The following LTBP1 variants were observed in gnomAD, a reference collection of about 807,000 sequenced individuals.
LTBP1 encodes latent-transforming growth factor beta-binding protein 1.
In LTBP1, 129 loss-of-function variants were observed where a neutral mutation model predicts 207.6. That is an observed-to-expected ratio of 0.62 (90% CI 0.54 to 0.72). The LOEUF is 0.72. Ranked by LOEUF, LTBP1 falls within the 30% of genes least tolerant of loss-of-function variation. LTBP1 has a pLI of 0.00. For missense variants in LTBP1, 2,281 were observed against 2,217.2 expected, an observed-to-expected ratio of 1.03 and a Z score of -0.58; for synonymous variants, 963 against 833.7, an observed-to-expected ratio of 1.16 and a Z score of -2.67.
intron 5 of LTBP1, among the ~76,000 whole-genome samples, chr2:33,182,073 TAG>T (rs1455208995): frequency 6.6e-6 from 1 of 152,186 alleles, no homozygotes. Flanking sequence ...AACTGGAGAA[TAG>T]ATATTTTATT....
At chr2:33,149,042 G>A (rs1045514995) in intron 5 of LTBP1, among the ~76,000 whole-genome samples, 2 of 151,846 alleles carry the variant, frequency 1.3e-5, no homozygotes, top group African/African-American at 2.4e-5. Context: ...GTGAAACCCC[G>A]TCTCTACTAA....
chr2:33,063,439 A>G (rs1345864871), intron 3 of LTBP1, among the ~76,000 whole-genome samples: 1 of 152,184 alleles, frequency 6.6e-6, no homozygotes, highest in Non-Finnish European at 1.5e-5. Context: ...TTTATGGTAA[A>G]CATTAATGGT....
chr2:33,256,028 C>G (rs2147809264), intron 11 of LTBP1, among the ~76,000 whole-genome samples: 1 of 152,096 alleles, frequency 6.6e-6, no homozygotes, highest in South Asian at 2.1e-4. Context: ...CTTCACTATT[C>G]ATGGGGATTA....
Position 33,134,765 on chromosome 2 carries a change from T to C in LTBP1, c.1034-28T>C. The C allele has an allele frequency of 6.2e-7, 1 of 1,614,172 alleles. No homozygotes were observed. Among genetic ancestry groups the C allele is most frequent in the Non-Finnish European group, 8.5e-7 (1 of 1,180,022 alleles). Reference sequence around the variant, plus strand: ...GGATACTAAGCTGATGTGTTTGTTGTTCTTTTTCTCCCTGCCTCCGCTCCT... The same window carrying C: ...GGATACTAAGCTGATGTGTTTGTTGCTCTTTTTCTCCCTGCCTCCGCTCCT... On this transcript the variant is annotated intron_variant, in intron 4 of 33. Coordinates refer to ENST00000404816, the MANE Select transcript of LTBP1 (RefSeq NM_206943.4). The surrounding 1 kb of genome is among the most constrained non-coding windows in gnomAD (Gnocchi z 4.4).
chr2:33,331,108 T>C (rs2094488998), intron 24 of LTBP1, among the ~76,000 whole-genome samples: 1 of 151,838 alleles, frequency 6.6e-6, no homozygotes, highest in African/African-American at 2.4e-5. Flanking sequence ...TTTTAAAATT[T>C]CAGTAATTTG....
At chr2:33,190,677 A>G (rs1239722849) in intron 7 of LTBP1, among the ~76,000 whole-genome samples, 5 of 152,212 alleles carry the variant, frequency 3.3e-5, no homozygotes, top group Non-Finnish European at 5.9e-5. Flanking sequence ...TGCAAATATT[A>G]TAGAACGATG....
At chr2:33,001,558 A>G (rs1470711503) in intron 2 of LTBP1, among the ~76,000 whole-genome samples, 1 of 135,006 alleles carries the variant, frequency 7.4e-6, no homozygotes, top group Admixed American at 7.6e-5. Flanking sequence ...GTTAAAATAT[A>G]TGAGGAGAAG....
intron 5 of LTBP1, among the ~76,000 whole-genome samples, chr2:33,169,686 A>G (rs962933744): frequency 1.3e-5 from 2 of 152,246 alleles, no homozygotes; most frequent in African/African-American, 4.8e-5. Context: ...CAGACAAACT[A>G]AAATAAACAG....
chr2:33,092,045 T>C (rs2079125063), intron 3 of LTBP1, among the ~76,000 whole-genome samples: 1 of 152,168 alleles, frequency 6.6e-6, no homozygotes, highest in African/African-American at 2.4e-5. Flanking sequence ...ATCTACAAAT[T>C]GTGAGGGAAA....
chr2:33,108,556 G>T (rs1272553268), intron 3 of LTBP1, among the ~76,000 whole-genome samples: 1 of 151,978 alleles, frequency 6.6e-6, no homozygotes, highest in Non-Finnish European at 1.5e-5. Context: ...AATTCAGAGG[G>T]GGGACAAGAG....
chr2:33,091,533 T>C (rs936338524), intron 3 of LTBP1, among the ~76,000 whole-genome samples: 6 of 152,142 alleles, frequency 3.9e-5, no homozygotes, highest in African/African-American at 1.4e-4. Context: ...TGTTCTCTCT[T>C]TTATCTTTGT....
chr2:33,123,016 G>A (rs926503507), intron 4 of LTBP1, among the ~76,000 whole-genome samples: 27 of 152,284 alleles, frequency 1.8e-4, no homozygotes, highest in African/African-American at 6.5e-4. Flanking sequence ...GACTTCTAGA[G>A]AGGGAAAACC....
chr2:33,245,001 C>T (rs1573396282), intron 10 of LTBP1, among the ~76,000 whole-genome samples: 2 of 152,180 alleles, frequency 1.3e-5, no homozygotes, highest in African/African-American at 4.8e-5. Context: ...ACCTCAGCCT[C>T]CCAAGTAGCT....
At chr2:33,375,702 GTA>G (rs1558319430) in intron 31 of LTBP1, among the ~76,000 whole-genome samples, 2 of 136,700 alleles carry the variant, frequency 1.5e-5, no homozygotes, top group Non-Finnish European at 3.2e-5. Flanking sequence ...TAATTTTTTT[GTA>G]TTTTTTTTTT....
At chr2:33,261,523 G>T (rs749952054) in intron 13 of LTBP1, among the ~76,000 whole-genome samples, 1 of 152,090 alleles carries the variant, frequency 6.6e-6, no homozygotes, top group African/African-American at 2.4e-5. Context: ...GAGTGAGTCC[G>T]GCCTAGGGTG....
chr2:33,330,408 A>T (rs1211905993), intron 24 of LTBP1, among the ~76,000 whole-genome samples: 1 of 151,822 alleles, frequency 6.6e-6, no homozygotes, highest in African/African-American at 2.4e-5. Context: ...AATGTTGACT[A>T]GAAGTGGTGA....
At chr2:33,249,513 A>G (rs951019155) in intron 10 of LTBP1, among the ~76,000 whole-genome samples, 14 of 152,144 alleles carry the variant, frequency 9.2e-5, no homozygotes, top group African/African-American at 3.1e-4. Flanking sequence ...GAATAATAGT[A>G]TCTTAGCTTT....
At chr2:33,157,791 A>G (rs970059898) in intron 5 of LTBP1, among the ~76,000 whole-genome samples, 17 of 152,132 alleles carry the variant, frequency 1.1e-4, no homozygotes, top group African/African-American at 3.6e-4. Flanking sequence ...GCCCACCCAA[A>G]TAAGGTGAGG....
rs140601694 is a variant in LTBP1 at position 33,193,628 on chromosome 2, C to A, written c.1701+4777C>A. ...CTTGCTTATAGGCAAGCAAGTTTTT[C>A]TGACAGCATGCTCTCACTTTGTGTC... is the stretch of plus-strand genomic sequence containing the variant. On this transcript the variant is annotated intron_variant, in intron 7 of 33. Transcript: ENST00000404816. 3.7e-4 allele frequency among the ~76,000 whole-genome samples: 57 copies of A among 152,272 alleles called. No homozygotes were observed. The South Asian group carries it at 5.2e-3, about 14-fold the overall frequency.
Sources: allele counts gnomAD v4.1 joint callset (sites outside exome capture counted in the v4.1 genomes callset), GRCh38; gene constraint gnomAD v4.1.1; non-coding constraint Gnocchi (gnomAD v3.1); transcripts MANE v1.5; gene names NCBI Gene and HGNC (gene_info 2026-07-23, HGNC 2026-07-21).